MARCHF1: variants seen among roughly 807,000 people sequenced by gnomAD.
MARCHF1 encodes membrane associated ring-CH-type finger 1.
In MARCHF1, 40 loss-of-function variants were observed where a neutral mutation model predicts 54.2. The ratio of observed to expected loss-of-function variants is 0.74; its 90% confidence interval spans 0.57 to 0.96. The LOEUF is 0.96. Among genes scored for constraint, MARCHF1 ranks in the 40% least tolerant of loss-of-function variants. The pLI is 0.00. For synonymous variants in MARCHF1, 236 were observed against 236.3 expected (o/e 1.00, Z 0.01); for missense variants, 586 against 656.5 (o/e 0.89, Z 1.17).
intron 2 of MARCHF1, among the ~76,000 whole-genome samples, chr4:164,109,343 T>C (rs1357843511): frequency 6.6e-6 from 1 of 152,026 alleles, no homozygotes; most frequent in Non-Finnish European, 1.5e-5. Context: ...TCTTCAGTTA[T>C]TCCTGTGCTT....
chr4:163,923,495 T>C (rs564804619), intron 3 of MARCHF1, among the ~76,000 whole-genome samples: 45 of 152,196 alleles, frequency 3.0e-4, no homozygotes, highest in African/African-American at 1.0e-3. Context: ...TATGAAAAAT[T>C]GCCCAAGCTG....
At chr4:163,744,243 A>G (rs1206561889) in intron 4 of MARCHF1, among the ~76,000 whole-genome samples, 4 of 152,112 alleles carry the variant, frequency 2.6e-5, no homozygotes, top group African/African-American at 9.7e-5. Flanking sequence ...GCATTTTCGA[A>G]CCAATTTTTT....
rs1740551881 is a variant in MARCHF1, at chr4:163,590,375, A to G, written c.1011-4446T>C. 2.6e-5 allele frequency among the ~76,000 whole-genome samples: 4 copies of G among 152,172 alleles called. No homozygotes were observed. In the South Asian group the frequency reaches 8.3e-4, roughly 32 times the overall value. On this transcript the variant is annotated intron_variant, in intron 7 of 9. Transcript: ENST00000514618. ...AGTTTCTTGGTTTTTGCTATATGCA[A>G]AGAAAATCAGACATCTCAGTGTCTT...
At chr4:163,886,770 C>T (rs528376756) in intron 3 of MARCHF1, among the ~76,000 whole-genome samples, 1 of 152,132 alleles carries the variant, frequency 6.6e-6, no homozygotes, top group African/African-American at 2.4e-5. Context: ...CTAAAAGATC[C>T]TTGATGATAA....
chr4:163,933,106 A>T, intron 3 of MARCHF1: 5 of 1,251,688 alleles, frequency 4.0e-6, no homozygotes, highest in Non-Finnish European at 2.3e-6. Flanking sequence ...ACGGCTTTTG[A>T]TGAGGCCATT....
intron 2 of MARCHF1, among the ~76,000 whole-genome samples, chr4:164,003,723 T>G (rs1206787896): frequency 6.6e-6 from 1 of 152,084 alleles, no homozygotes; most frequent in African/African-American, 2.4e-5. Context: ...TGGAAGACAG[T>G]GTGGTGATGC....
intron 1 of MARCHF1, among the ~76,000 whole-genome samples, chr4:164,212,090 A>T (rs1179864732): frequency 1.3e-5 from 2 of 152,080 alleles, no homozygotes; most frequent in Non-Finnish European, 1.5e-5. Flanking sequence ...ATGATGATAA[A>T]AAATGGAAGA....
chr4:163,741,423 A>G (rs1371821488), intron 4 of MARCHF1, among the ~76,000 whole-genome samples: 1 of 151,934 alleles, frequency 6.6e-6, no homozygotes, highest in East Asian at 1.9e-4. Context: ...CATCTCTACC[A>G]AAAATACAAA....
At chr4:164,142,406 A>G (rs1013421539) in intron 1 of MARCHF1, among the ~76,000 whole-genome samples, 52 of 152,308 alleles carry the variant, frequency 3.4e-4, no homozygotes, top group African/African-American at 1.2e-3. Flanking sequence ...TAACCTCTGC[A>G]GACTTAAATG....
At chr4:164,286,908 C>G (rs935951208) in intron 1 of MARCHF1, among the ~76,000 whole-genome samples, 7 of 149,474 alleles carry the variant, frequency 4.7e-5, no homozygotes, top group Non-Finnish European at 1.0e-4. Context: ...ATGTTACAGG[C>G]AAAGATTACA....
intron 1 of MARCHF1, among the ~76,000 whole-genome samples, chr4:164,216,372 T>C (rs889105601): frequency 1.3e-5 from 2 of 152,182 alleles, no homozygotes; most frequent in African/African-American, 2.4e-5. Context: ...GAAAATAATA[T>C]TGTTAAACAT....
chr4:164,117,493 T>C (rs1210279850), intron 1 of MARCHF1, among the ~76,000 whole-genome samples: 1 of 151,984 alleles, frequency 6.6e-6, no homozygotes, highest in African/African-American at 2.4e-5. Flanking sequence ...CTCTTTCCAA[T>C]GAATAAAGAT....
At chr4:163,842,897 G>A (rs1334577791) in intron 4 of MARCHF1, among the ~76,000 whole-genome samples, 1 of 152,104 alleles carries the variant, frequency 6.6e-6, no homozygotes, top group Non-Finnish European at 1.5e-5. Flanking sequence ...GGGGATGCAT[G>A]TGCGGTGTGT....
At chr4:163,984,063 T>C (rs1193108158) in intron 3 of MARCHF1, among the ~76,000 whole-genome samples, 1 of 151,806 alleles carries the variant, frequency 6.6e-6, no homozygotes, top group Non-Finnish European at 1.5e-5. Flanking sequence ...AAAATATATA[T>C]CACAAAAAGC....
intron 4 of MARCHF1, among the ~76,000 whole-genome samples, chr4:163,834,771 T>G (rs1749132480): frequency 2.6e-5 from 4 of 152,108 alleles, no homozygotes. Flanking sequence ...GGATCTTAAG[T>G]CAATCCCTTT....
chr4:164,274,508 A>G (rs1246999872), intron 1 of MARCHF1, among the ~76,000 whole-genome samples: 2 of 152,028 alleles, frequency 1.3e-5, no homozygotes, highest in African/African-American at 4.8e-5. Flanking sequence ...GAAAGTTATT[A>G]TATTTTAGAT....
intron 1 of MARCHF1, among the ~76,000 whole-genome samples, chr4:164,325,860 C>A (rs1327876522): frequency 6.6e-6 from 1 of 151,898 alleles, no homozygotes; most frequent in Non-Finnish European, 1.5e-5. Context: ...ATAATTGATG[C>A]CCAGAGGCAA....
intron 2 of MARCHF1, among the ~76,000 whole-genome samples, chr4:164,080,572 G>T (rs2111111389): frequency 6.6e-6 from 1 of 151,240 alleles, no homozygotes; most frequent in Admixed American, 6.6e-5. Context: ...CATTATTTTT[G>T]GTACACTACA....
chr4:163,837,766 A>G (rs543083143), intron 4 of MARCHF1, among the ~76,000 whole-genome samples: 4 of 152,168 alleles, frequency 2.6e-5, no homozygotes, highest in Non-Finnish European at 2.9e-5. Flanking sequence ...AAAAAAATCA[A>G]TAAGCGCACA....
Sources: gnomAD v4.1 joint callset for allele counts (sites outside exome capture counted in the v4.1 genomes callset) on GRCh38, gnomAD v4.1.1 for gene constraint, MANE v1.5 for transcripts, NCBI Gene and HGNC (gene_info 2026-07-23, HGNC 2026-07-21) for gene names.